CPNE8: variants seen among roughly 807,000 people sequenced by gnomAD.
CPNE8 encodes the protein copine-8.
Under a neutral mutation model 81.5 loss-of-function variants are expected in CPNE8, and 45 were observed. That is an observed-to-expected ratio of 0.55 (90% confidence interval 0.44 to 0.71). The LOEUF is 0.71. Among genes scored for constraint, CPNE8 ranks in the 30% least tolerant of loss-of-function variants. The pLI is 0.00. For synonymous variants in CPNE8, 252 were observed against 226.3 expected (o/e 1.11, Z -1.02); for missense variants, 594 against 672.1 (o/e 0.88, Z 1.28).
At chr12:38,679,604 C>T (rs760074500) in intron 16 of CPNE8, 342 of 984,864 alleles carry the variant, frequency 3.5e-4, no homozygotes, top group Admixed American at 2.6e-3. Context: ...CTGTCCAATC[C>T]ATTTTAGTCT....
chr12:38,670,891 TAGCAAAATGTGCTATGAAA>T, intron 18 of CPNE8, 89 bp from the exon 19 acceptor site: 3 of 849,702 alleles, frequency 3.5e-6, no homozygotes, highest in Non-Finnish European at 5.6e-6. Flanking sequence ...ATGTATGAAG[TAGCAAAATGTGCTATGAAA>T]AGACAGAAAG....
chr12:38,711,064 T>G (rs1345825288), intron 13 of CPNE8, among the ~76,000 whole-genome samples: 2 of 152,202 alleles, frequency 1.3e-5, no homozygotes, highest in African/African-American at 4.8e-5. Context: ...AAAATTTTGT[T>G]CCTACAAAAG....
rs543563136 is a variant in CPNE8, at chr12:38,738,974, C to T, written c.723-8616G>A. Among the ~76,000 whole-genome samples the T allele has an allele frequency of 2.6e-5, 4 of 152,024 alleles. No homozygotes were observed. In the East Asian group the frequency reaches 7.8e-4, roughly 30 times the overall value. On this transcript the variant is annotated intron_variant, in intron 10 of 19. Coordinates refer to ENST00000331366, the MANE Select transcript of CPNE8 (RefSeq NM_153634.3). ...GACCACAAGTGCATACCACCACACC[C>T]AGCTAATTTCTGTCTTTTCGTAGAG...
At chr12:38,697,004 A>G (rs534379608) in intron 14 of CPNE8, among the ~76,000 whole-genome samples, 2 of 152,188 alleles carry the variant, frequency 1.3e-5, no homozygotes, top group Admixed American at 1.3e-4. Flanking sequence ...CTGAGATTGC[A>G]CCCCTGTACT....
chr12:38,770,718 C>T (rs1357979284), intron 7 of CPNE8, among the ~76,000 whole-genome samples: 1 of 152,126 alleles, frequency 6.6e-6, no homozygotes, highest in Non-Finnish European at 1.5e-5. Flanking sequence ...TCACATCGGA[C>T]CCACACATGC....
chr12:38,785,928 G>A (rs992768598), intron 6 of CPNE8, among the ~76,000 whole-genome samples: 2 of 151,160 alleles, frequency 1.3e-5, no homozygotes, highest in Admixed American at 6.6e-5. Flanking sequence ...AAATAACAAA[G>A]AAAAGCAAAA....
At chr12:38,902,374 AAG>A (rs1319319861) in intron 1 of CPNE8, among the ~76,000 whole-genome samples, 7 of 91,802 alleles carry the variant, frequency 7.6e-5, no homozygotes, top group Admixed American at 1.1e-4. Flanking sequence ...GAAAGAAAGA[AAG>A]AAAGAAAAGA....
At chr12:38,775,929 G>A (rs1941923857) in intron 7 of CPNE8, among the ~76,000 whole-genome samples, 2 of 152,260 alleles carry the variant, frequency 1.3e-5, no homozygotes, top group South Asian at 2.1e-4. Flanking sequence ...AAAGTTTGCA[G>A]TAATTGAACT....
At chr12:38,672,436 G>C (rs1301806399) in intron 18 of CPNE8, among the ~76,000 whole-genome samples, 1 of 152,190 alleles carries the variant, frequency 6.6e-6, no homozygotes, top group Non-Finnish European at 1.5e-5. Context: ...TGGTGGAGGG[G>C]TCAGGTCTAC....
At chr12:38,833,487 T>TA (rs1943328801) in intron 5 of CPNE8, among the ~76,000 whole-genome samples, 2 of 148,942 alleles carry the variant, frequency 1.3e-5, no homozygotes, top group South Asian at 4.3e-4. Flanking sequence ...ACCTTTTTTT[T>TA]TTTTTTTTGA....
rs61223251 is a variant in CPNE8, at chr12:38,794,650, T to TA, written c.408-18350dup. Among the ~76,000 whole-genome samples the TA allele has an allele frequency of 6.9e-3, 957 of 139,084 alleles. 4 individuals carry two copies. Among genetic ancestry groups the TA allele is most frequent in the East Asian group, 0.023 (115 of 4,918 alleles). 91.2% of individuals were successfully genotyped at this position (139,084 alleles called of 152,430 possible). A position where few individuals can be genotyped will look rare whatever the true frequency, so the allele number is the denominator to read the frequency against. The stretch of plus-strand genomic sequence containing the variant: ...ACTACTATTTAAAAAAAAACTACTA[T>TA]AAAAAAAAAAAACAGAACACAAGTG... On this transcript the variant is annotated intron_variant, in intron 6 of 19. Transcript: ENST00000331366.
chr12:38,773,276 A>T (rs1411683893), intron 7 of CPNE8, among the ~76,000 whole-genome samples: 1 of 152,140 alleles, frequency 6.6e-6, no homozygotes, highest in African/African-American at 2.4e-5. Context: ...ACTGCACTGT[A>T]TATTTAAAAA....
At chr12:38,808,821 C>G (rs1218661466) in intron 6 of CPNE8, among the ~76,000 whole-genome samples, 2 of 151,432 alleles carry the variant, frequency 1.3e-5, no homozygotes. Context: ...AAAATTTTGG[C>G]AAACCACCTC....
intron 6 of CPNE8, among the ~76,000 whole-genome samples, chr12:38,784,353 G>C (rs1442211408): frequency 1.3e-5 from 2 of 152,030 alleles, no homozygotes; most frequent in Non-Finnish European, 2.9e-5. Context: ...AAACAAAAAA[G>C]CATGCCTACA....
intron 19 of CPNE8, among the ~76,000 whole-genome samples, chr12:38,667,171 G>A (rs1395349973): frequency 6.6e-6 from 1 of 152,054 alleles, no homozygotes; most frequent in East Asian, 1.9e-4. Flanking sequence ...GTATAAACTG[G>A]ATTCGCTTCA....
In CPNE8 at chr12:38,829,379, A is replaced by C. The variant is rs771713723; in HGVS notation, c.407T>G (p.Val136Gly). 1.2e-6 allele frequency: 2 copies of C among 1,600,078 alleles called. No homozygotes were observed. The highest frequency in any genetic ancestry group is 1.7e-6 in the Non-Finnish European group (2 of 1,167,450). Reference protein sequence around the residue: ...SQGSRLEKPIVGIPGKKCGTI... With the variant: ...SQGSRLEKPIGGIPGKKCGTI... ...ATTGTCTGAATTAAAAAATACTTAC[A>C]CTATTGGTTTTTCCAGGCGACTTCC... Residue 136 changes from valine to glycine, a missense_variant and splice_region_variant, in exon 6 of 20, where the codon GTA becomes GGA. Val to Gly is a moderately radical substitution (Grantham distance 109). Transcript: ENST00000331366.
intron 17 of CPNE8, chr12:38,675,995 A>C (rs1346784317): frequency 6.4e-6 from 1 of 156,282 alleles, no homozygotes; most frequent in African/African-American, 2.4e-5. Context: ...GTGTGCCTGA[A>C]GTCCTAGCTA....
intron 10 of CPNE8, among the ~76,000 whole-genome samples, chr12:38,741,107 C>T (rs1030564524): frequency 3.0e-4 from 46 of 152,200 alleles, no homozygotes; most frequent in African/African-American, 1.1e-3. Context: ...CCATACTGCC[C>T]AAGGTAATTT....
At chr12:38,885,965 C>G (rs1463954293) in intron 1 of CPNE8, among the ~76,000 whole-genome samples, 1 of 152,152 alleles carries the variant, frequency 6.6e-6, no homozygotes, top group Non-Finnish European at 1.5e-5. Flanking sequence ...GCCTCCCCAG[C>G]TATGCTACCT....
Sources: gnomAD v4.1 joint callset for allele counts (sites outside exome capture counted in the v4.1 genomes callset) on GRCh38, gnomAD v4.1.1 for gene constraint, MANE v1.5 for transcripts, NCBI Gene and HGNC (gene_info 2026-07-23, HGNC 2026-07-21) for gene names.